The following PAM variants were observed in gnomAD, a reference collection of about 807,000 sequenced individuals.
PAM encodes the protein peptidylglycine alpha-amidating monooxygenase.
PAM carries 72 observed loss-of-function variants against 122.1 expected under a neutral mutation model. That is an observed-to-expected ratio of 0.59 (90% CI 0.49 to 0.72). The LOEUF is 0.72. Among genes scored for constraint, PAM ranks in the 30% least tolerant of loss-of-function variants. The pLI is 0.00. For synonymous variants in PAM, 389 were observed against 404.4 expected, an observed-to-expected ratio of 0.96 and a Z score of 0.46; for missense variants, 1,106 against 1,183.7, an observed-to-expected ratio of 0.93 and a Z score of 0.96.
At position 102,839,733 on chromosome 5, in the gene PAM, T is replaced by C. The variant is rs1364959896; in HGVS notation, c.-373-26090T>C. ...TCCAGTGAGTTAGAGTAGCCTAATA[T>C]CAGAAAATCTATTAAGGTAATTTCC... On this transcript the variant is annotated intron_variant, in intron 1 of 25. Coordinates refer to ENST00000438793, the MANE Select transcript of PAM (RefSeq NM_001177306.2). 2.0e-5 allele frequency among the ~76,000 whole-genome samples: 3 copies of C among 152,128 alleles called. No homozygotes were observed. The East Asian group carries it at 5.8e-4, about 29-fold the overall frequency.
At chr5:102,810,488 A>G (rs1331388538) in intron 1 of PAM, among the ~76,000 whole-genome samples, 1 of 152,196 alleles carries the variant, frequency 6.6e-6, no homozygotes, top group Non-Finnish European at 1.5e-5. Flanking sequence ...CCAGCATGAG[A>G]TAAATGAAAT....
Position 102,959,205 on chromosome 5 carries a change from T to C in PAM, c.906-670T>C, listed in dbSNP as rs141228316. On this transcript the variant is annotated intron_variant, in intron 12 of 25. Coordinates refer to ENST00000438793, the MANE Select transcript of PAM (RefSeq NM_001177306.2). ...ACTACTTCCGTCACATCTCAACCCT[T>C]AAAAAAGATTAGTGCTGATTTCATT... Among the ~76,000 whole-genome samples the C allele has an allele frequency of 3.6e-3, 544 of 152,200 alleles. 2 individuals are homozygous for C. The highest frequency in any genetic ancestry group is 0.013 in the African/African-American group (528 of 41,558).
rs760224132 is a variant in PAM, at chr5:102,867,357, A to C, written c.174A>C (p.Ala58=). The change falls in exon 3 of 26, where the codon GCA becomes GCC. Residue 58 remains alanine, a synonymous_variant. Transcript: ENST00000438793. ...PVVPIDSSDF[A]LDIRMPGVTP... is the part of the protein sequence containing the mutation. Reference sequence around the variant, plus strand: ...TTCCTATTGATTCATCAGATTTTGCATTGGATATTCGCATGCCTGGGGTTA... The same window carrying C: ...TTCCTATTGATTCATCAGATTTTGCCTTGGATATTCGCATGCCTGGGGTTA... 1 of 1,609,502 alleles carries C rather than the reference A, an allele frequency of 6.2e-7. No individual in the cohort carries two copies.
At position 102,974,391 on chromosome 5, in the gene PAM, C is replaced by A. The variant is rs1308478739; in HGVS notation, c.1438C>A (p.Gln480Lys). The A allele has an allele frequency of 3.1e-6, 5 of 1,613,808 alleles. No individual in the cohort carries two copies. The highest frequency in any genetic ancestry group is 4.2e-6 in the Non-Finnish European group (5 of 1,179,786). Residue 480 changes from glutamine (Q) to lysine (K), a missense_variant, in exon 15 of 26, where the codon CAG becomes AAG. Transcript: ENST00000438793. The stretch of plus-strand genomic sequence containing the variant: ...AGAGAGCAGAGTTTTCTCATTACAG[C>A]AGCCCCCACCTGGTGAAGGCACCTG... The part of the protein sequence containing the change: ...PPESRVFSLQ[Q>K]PPPGEGTWEP...
intron 1 of PAM, among the ~76,000 whole-genome samples, chr5:102,782,890 A>G (rs573105602): frequency 5.9e-4 from 86 of 146,724 alleles, no homozygotes; most frequent in African/African-American, 2.1e-3. Context: ...CTTCTATTAT[A>G]CTCCCCATAT....
At chr5:103,016,247 G>A (rs1298237113) in intron 21 of PAM, among the ~76,000 whole-genome samples, 3 of 152,112 alleles carry the variant, frequency 2.0e-5, no homozygotes, top group Non-Finnish European at 2.9e-5. Context: ...TCTAAAGTAC[G>A]ATAGTATCTC....
intron 23 of PAM, among the ~76,000 whole-genome samples, chr5:103,020,932 C>T (rs913566391): frequency 6.6e-6 from 1 of 152,168 alleles, no homozygotes; most frequent in Admixed American, 6.5e-5. Flanking sequence ...ATATCACACT[C>T]ATATACTAAA....
At chr5:102,967,967 C>T (rs755805980) in intron 14 of PAM, among the ~76,000 whole-genome samples, 4 of 152,110 alleles carry the variant, frequency 2.6e-5, no homozygotes, top group Non-Finnish European at 5.9e-5. Context: ...AAGTGATAGG[C>T]CTGTCTTGGC....
intron 1 of PAM, among the ~76,000 whole-genome samples, chr5:102,825,100 T>TTTATG: frequency 6.6e-6 from 1 of 152,312 alleles, no homozygotes; most frequent in South Asian, 2.1e-4. Context: ...GCTCCTGACC[T>TTTATG]GTAACATTTC....
chr5:102,909,768 C>G lies in PAM; in HGVS notation c.269-4166C>G, dbSNP rs944029974. ...TGTAAAAATACCCATGATATGCAAG[C>G]TAAGCTATTTACAGTGTATAACACG... On this transcript the variant is annotated intron_variant, in intron 4 of 25. Coordinates refer to ENST00000438793, the MANE Select transcript of PAM (RefSeq NM_001177306.2). 8.1e-4 allele frequency among the ~76,000 whole-genome samples: 123 copies of G among 151,870 alleles called. 1 individual carries two copies. Among genetic ancestry groups the G allele is most frequent in the African/African-American group, 2.7e-3 (114 of 41,500 alleles).
intron 1 of PAM, among the ~76,000 whole-genome samples, chr5:102,862,626 C>G (rs1281632004): frequency 6.6e-6 from 1 of 152,172 alleles, no homozygotes; most frequent in Admixed American, 6.5e-5. Flanking sequence ...ATCACCGTCC[C>G]CAGCATTCAG....
At chr5:102,918,104 A>G (rs1746083490) in intron 5 of PAM, among the ~76,000 whole-genome samples, 1 of 152,176 alleles carries the variant, frequency 6.6e-6, no homozygotes, top group African/African-American at 2.4e-5. Flanking sequence ...CCAAATTAAC[A>G]TACCTCTAGA....
chr5:102,919,696 CT>C (rs1477873864), intron 5 of PAM, among the ~76,000 whole-genome samples: 2 of 152,072 alleles, frequency 1.3e-5, no homozygotes, highest in Non-Finnish European at 2.9e-5. Context: ...CATCCATTCC[CT>C]TTTTCCACTT....
intron 1 of PAM, among the ~76,000 whole-genome samples, chr5:102,767,342 G>C (rs1384822017): frequency 1.3e-5 from 2 of 152,008 alleles, no homozygotes; most frequent in Non-Finnish European, 2.9e-5. Flanking sequence ...ATCCAGATTT[G>C]GCATTAAGAT....
intron 3 of PAM, among the ~76,000 whole-genome samples, chr5:102,895,748 G>C (rs994947520): frequency 2.0e-4 from 31 of 151,782 alleles, no homozygotes; most frequent in Middle Eastern, 3.4e-3. Flanking sequence ...ACTTAGCACA[G>C]AAATATGGTG....
At chr5:102,878,925 T>C (rs1790080413) in intron 3 of PAM, among the ~76,000 whole-genome samples, 1 of 151,972 alleles carries the variant, frequency 6.6e-6, no homozygotes. Context: ...AAAAATTCTT[T>C]TTTTTTTTGT....
At chr5:102,805,064 CTTTTTTTT>C (rs527963126) in intron 1 of PAM, among the ~76,000 whole-genome samples, 1,905 of 103,840 alleles carry the variant, frequency 0.018, 45 homozygotes, top group African/African-American at 0.066. Flanking sequence ...GGGAATTTTC[CTTTTTTTT>C]TTTTTTTTTT....
intron 1 of PAM, among the ~76,000 whole-genome samples, chr5:102,856,933 G>C (rs767750984): frequency 1.1e-4 from 17 of 152,014 alleles, no homozygotes; most frequent in Non-Finnish European, 2.4e-4. Flanking sequence ...CTAATGAAGA[G>C]AGCCTTAAAA....
At chr5:102,958,923 A>G (rs978376266) in intron 12 of PAM, among the ~76,000 whole-genome samples, 2 of 152,070 alleles carry the variant, frequency 1.3e-5, no homozygotes, top group Non-Finnish European at 2.9e-5. Flanking sequence ...AAAAATTGTC[A>G]ATACTAATAC....
Sources: allele counts gnomAD v4.1 joint callset (sites outside exome capture counted in the v4.1 genomes callset), GRCh38; gene constraint gnomAD v4.1.1; transcripts MANE v1.5; gene names NCBI Gene and HGNC (gene_info 2026-07-23, HGNC 2026-07-21).